Variants in HERC1 observed in about 807,000 individuals in gnomAD.
The protein encoded by HERC1 is probable E3 ubiquitin-protein ligase HERC1.
Under a neutral mutation model 554.3 loss-of-function variants are expected in HERC1, and 160 were observed. That is an observed-to-expected ratio of 0.29 (90% confidence interval 0.25 to 0.33). The LOEUF (loss-of-function observed/expected upper bound fraction) is 0.33. Among genes scored for constraint, HERC1 ranks in the 10% least tolerant of loss-of-function variants. The probability of loss-of-function intolerance (pLI) is 1.00; values close to 1 mark genes in which losing one functional copy is unlikely to be tolerated. For missense variants in HERC1, 4,919 were observed against 5,918.5 expected (o/e 0.83, Z 5.54); for synonymous variants, 2,175 against 2,131.7 (o/e 1.02, Z -0.56).
At chr15:63,707,991 T>C (rs537988324) in intron 24 of HERC1, among the ~76,000 whole-genome samples, 4 of 144,278 alleles carry the variant, frequency 2.8e-5, no homozygotes, top group Non-Finnish European at 6.1e-5. Context: ...GAAAATGTTA[T>C]ATAAAATCTT....
intron 34 of HERC1, among the ~76,000 whole-genome samples, chr15:63,681,844 C>G (rs921827608): frequency 6.6e-6 from 1 of 152,152 alleles, no homozygotes; most frequent in Non-Finnish European, 1.5e-5. Flanking sequence ...GTGCTCATGG[C>G]AGGGAGAGAA....
chr15:63,665,395 T>C (rs972839881), intron 42 of HERC1, among the ~76,000 whole-genome samples: 3 of 152,102 alleles, frequency 2.0e-5, no homozygotes. Flanking sequence ...GAGCCGGGCA[T>C]GGTGGCACAT....
intron 77 of HERC1, 147 bp from the exon 78 acceptor site, chr15:63,609,413 G>T: frequency 1.4e-6 from 1 of 728,326 alleles, no homozygotes; most frequent in Non-Finnish European, 2.1e-6. Flanking sequence ...GGGCCAGATA[G>T]AATGAGCTGA....
intron 1 of HERC1, among the ~76,000 whole-genome samples, chr15:63,799,984 G>A (rs8034053): frequency 1 from 152,242 of 152,244 alleles, 76,120 homozygotes; most frequent in Non-Finnish European, 1. Context: ...AATATTTTTA[G>A]TTAGCCAGAT....
chr15:63,684,646 G>A (rs572195676), intron 34 of HERC1, among the ~76,000 whole-genome samples: 6 of 152,166 alleles, frequency 3.9e-5, no homozygotes, highest in South Asian at 2.1e-4. Context: ...TGGAGGAGTC[G>A]GGAGGGCATT....
chr15:63,654,017 T>TG, intron 51 of HERC1, 102 bp downstream of exon 51: 1 of 840,682 alleles, frequency 1.2e-6, no homozygotes, highest in South Asian at 1.5e-5. Context: ...TGAAAGAGAG[T>TG]GACACAAAGA....
At position 63,756,860 on chromosome 15, in the gene HERC1, T is replaced by G; in HGVS notation, c.1222-112A>C. 1 of 653,596 alleles carries G rather than the reference T, an allele frequency of 1.5e-6. No individual in the cohort carries two copies. The highest frequency in any genetic ancestry group is 1.8e-5 in the African/African-American group (1 of 55,122). The allele number at this position is 653,596 out of a possible 1,614,324, so 40.5% of individuals were successfully genotyped here. On this transcript the variant is annotated intron_variant, in intron 4 of 77. Coordinates refer to ENST00000443617, the MANE Select transcript of HERC1 (RefSeq NM_003922.4). This position sits in a 1 kb window ranked among gnomAD's most constrained non-coding sequence, Gnocchi z 5.0. ...GGAAGTCTTTTAGCAGGATACGGCATGATTCTCCAGAGAGATTAAGGAATA... is the reference window on the plus strand; with the variant it reads ...GGAAGTCTTTTAGCAGGATACGGCAGGATTCTCCAGAGAGATTAAGGAATA...
At chr15:63,776,503 T>C (rs2076118770) in intron 1 of HERC1, among the ~76,000 whole-genome samples, 1 of 152,176 alleles carries the variant, frequency 6.6e-6, no homozygotes, top group African/African-American at 2.4e-5. Flanking sequence ...ATTCCTCTTC[T>C]AAAGATTTAT....
At chr15:63,813,476 T>C (rs1387023910) in intron 1 of HERC1, among the ~76,000 whole-genome samples, 1 of 145,804 alleles carries the variant, frequency 6.9e-6, no homozygotes, top group Non-Finnish European at 1.5e-5. Flanking sequence ...TGCGAAAGGG[T>C]TTTTTTTTAA....
At chr15:63,729,756 C>G (rs1479919958) in intron 14 of HERC1, 107 bp from the exon 15 acceptor site, 1 of 1,062,700 alleles carries the variant, frequency 9.4e-7, no homozygotes. Flanking sequence ...GGTGCGGTGA[C>G]TCACACCTGT....
chr15:63,672,429 T>A (rs1037280312), intron 39 of HERC1, 67 bp downstream of exon 39: 2 of 1,132,666 alleles, frequency 1.8e-6, no homozygotes, highest in African/African-American at 3.1e-5. Context: ...ACTATTCATA[T>A]GAGGACAACT....
chr15:63,639,710 C>G (rs913529998), intron 61 of HERC1, among the ~76,000 whole-genome samples: 11 of 152,130 alleles, frequency 7.2e-5, no homozygotes, highest in African/African-American at 2.4e-4. Context: ...CTCTCAAATA[C>G]AAACAGAATG....
In HERC1 at chr15:63,727,879, A is replaced by G. The variant is rs369581576; in HGVS notation, c.3155-41T>C. ...AATTAAACATGGGACAATTGCTTCA[A>G]ATGAACTTTAAAAAAAGGAACCTAA... On this transcript the variant is annotated intron_variant, in intron 16 of 77. Coordinates refer to ENST00000443617, the MANE Select transcript of HERC1 (RefSeq NM_003922.4). This position sits in a 1 kb window ranked among gnomAD's most constrained non-coding sequence, Gnocchi z 4.3. 2.6e-5 allele frequency: 39 copies of G among 1,507,954 alleles called. No homozygotes were observed. Among genetic ancestry groups the G allele is most frequent in the Non-Finnish European group, 3.5e-5 (38 of 1,095,484 alleles). The allele number at this position is 1,507,954 out of a possible 1,614,324, so 93.4% of individuals were successfully genotyped here.
intron 32 of HERC1, among the ~76,000 whole-genome samples, chr15:63,690,166 CAAAAA>C (rs373716359): frequency 1.3e-5 from 1 of 77,852 alleles, no homozygotes; most frequent in Admixed American, 1.6e-4. Context: ...GACTCCATCT[CAAAAA>C]AAAAAAAAAA....
chr15:63,809,966 T>C (rs2077251379), intron 1 of HERC1, among the ~76,000 whole-genome samples: 1 of 152,110 alleles, frequency 6.6e-6, no homozygotes, highest in Non-Finnish European at 1.5e-5. Context: ...TGTGAGCCAC[T>C]GCACCCAGCC....
At chr15:63,611,911 G>A (rs73441919) in intron 77 of HERC1, among the ~76,000 whole-genome samples, 19,171 of 152,244 alleles carry the variant, frequency 0.13, 1,316 homozygotes, top group African/African-American at 0.17. Flanking sequence ...AGGGCCAGGC[G>A]TGTTGGCTCA....
intron 61 of HERC1, among the ~76,000 whole-genome samples, chr15:63,639,501 C>A (rs904998358): frequency 1.1e-4 from 16 of 152,308 alleles, no homozygotes; most frequent in East Asian, 5.8e-4. Flanking sequence ...TTTCTCAGAA[C>A]ATATCCCCAT....
At chr15:63,764,929 C>G (rs1195328057) in intron 2 of HERC1, among the ~76,000 whole-genome samples, 1 of 152,060 alleles carries the variant, frequency 6.6e-6, no homozygotes, top group African/African-American at 2.4e-5. Context: ...ATATGACCTT[C>G]TAGGGTCTTG....
In HERC1 at chr15:63,672,649, T is replaced by C. The variant is rs2070993446; in HGVS notation, c.7892A>G (p.Gln2631Arg). The C allele has an allele frequency of 6.2e-7, 1 of 1,612,638 alleles. No individual in the cohort carries two copies. The highest frequency in any genetic ancestry group is 1.7e-5 in the Admixed American group (1 of 59,888). Reference protein sequence around the residue: ...AEESDPAQQAQTPVTTSPSAS... With the variant: ...AEESDPAQQARTPVTTSPSAS... ...TGATGGGCTAGTAGTAACTGGTGTC[T>C]GTGCCTGCTGGGCAGGGTCACTTTC... The change falls in exon 39 of 78, where the codon CAG (glutamine) becomes CGG (arginine). Residue 2631 changes from glutamine to arginine, a missense_variant. Gln to Arg is a conservative substitution (Grantham distance 43). Around this residue, in one of 11 missense-constraint regions of HERC1, gnomAD observed 1,963 missense variants for 2,228.6 expected, o/e 0.88. Coordinates refer to ENST00000443617, the MANE Select transcript of HERC1 (RefSeq NM_003922.4).
Sources: allele counts gnomAD v4.1 joint callset (sites outside exome capture counted in the v4.1 genomes callset), GRCh38; gene constraint gnomAD v4.1.1; regional missense constraint gnomAD v4.1.1; non-coding constraint Gnocchi (gnomAD v3.1); transcripts MANE v1.5; gene names NCBI Gene and HGNC (gene_info 2026-07-23, HGNC 2026-07-21).